The following SLC2A7 variants were observed in gnomAD, a reference collection of about 807,000 sequenced individuals.
The protein encoded by SLC2A7 is solute carrier family 2, facilitated glucose transporter member 7.
In SLC2A7, 50 loss-of-function variants were observed where a neutral mutation model predicts 50.5. That is an observed-to-expected ratio of 0.99 (90% CI 0.79 to 1.25). SLC2A7 has a LOEUF of 1.25. SLC2A7 is among the 50% of genes most tolerant of loss of function. SLC2A7 has a pLI of 0.00. For synonymous variants in SLC2A7, 308 were observed against 300.4 expected (o/e 1.03, Z -0.26); for missense variants, 683 against 679.1 (o/e 1.01, Z -0.06).
At chr1:9,013,763 AGGTGGTGGG>A in intron 7 of SLC2A7, 128 bp from the exon 8 acceptor site, 1 of 718,826 alleles carries the variant, frequency 1.4e-6, no homozygotes, top group Non-Finnish European at 2.2e-6. Flanking sequence ...AGAGGGTAGC[AGGTGGTGGG>A]AAAAAGAGGC....
intron 9 of SLC2A7, 147 bp downstream of exon 9, chr1:9,009,996 G>A (rs1378557500): frequency 1.5e-6 from 1 of 663,974 alleles, no homozygotes; most frequent in African/African-American, 1.8e-5. Flanking sequence ...CTTCAGGATG[G>A]GGCATTGCAA....
At chr1:9,018,193 C>T in intron 5 of SLC2A7, 30 bp downstream of exon 5, 1 of 1,613,484 alleles carries the variant, frequency 6.2e-7, no homozygotes, top group African/African-American at 1.3e-5. Context: ...AGAGACTGGA[C>T]CTAGCGTGAC....
the SLC2A7 span, among the ~76,000 whole-genome samples, chr1:8,993,673 G>T: frequency 2.0e-5 from 3 of 152,176 alleles, no homozygotes; most frequent in Admixed American, 2.0e-4. Flanking sequence ...TGTCGCTCAG[G>T]CTGGAATGCA....
At chr1:9,016,899 G>A (rs1640838711) in intron 5 of SLC2A7, among the ~76,000 whole-genome samples, 1 of 152,020 alleles carries the variant, frequency 6.6e-6, no homozygotes, top group African/African-American at 2.4e-5. Context: ...GAAGGCCTCA[G>A]CAGCGCCCTC....
chr1:9,015,588 C>T (rs1640818196), intron 5 of SLC2A7, among the ~76,000 whole-genome samples: 1 of 152,114 alleles, frequency 6.6e-6, no homozygotes, highest in Non-Finnish European at 1.5e-5. Flanking sequence ...TAGGGCAGGG[C>T]CTGGACCCTG....
rs765956041 is a variant in SLC2A7, at chr1:9,025,073, C to T, written c.53G>A (p.Arg18Gln). The change falls in exon 2 of 12, where the codon CGG becomes CAG. Residue 18 changes from arginine (R) to glutamine (Q), a missense_variant and splice_region_variant. Coordinates refer to ENST00000400906, the MANE Select transcript of SLC2A7 (RefSeq NM_207420.3). ...TPPPIPSREG[R>Q]LQPTLLLATL... Reference sequence around the variant, plus strand: ...CGCCAGCAACAGCGTCGGCTGGAGCCGCTGTAGGAGACAAGTCCAAGGTCG... The same window carrying T: ...CGCCAGCAACAGCGTCGGCTGGAGCTGCTGTAGGAGACAAGTCCAAGGTCG... 73 of 1,613,522 alleles carry T rather than the reference C, an allele frequency of 4.5e-5. No individual in the cohort carries two copies. The highest frequency in any genetic ancestry group is 1.0e-4 in the Admixed American group (6 of 60,002).
intron 5 of SLC2A7, among the ~76,000 whole-genome samples, chr1:9,015,795 C>G (rs561165177): frequency 2.6e-4 from 40 of 151,382 alleles, no homozygotes; most frequent in Non-Finnish European, 4.3e-4. Flanking sequence ...GCGATCATAG[C>G]CCACTGCAAC....
chr1:9,004,662 C>G, intron 11 of SLC2A7, 90 bp downstream of exon 11: 12 of 1,508,936 alleles, frequency 8.0e-6, no homozygotes, highest in Non-Finnish European at 1.1e-5. Flanking sequence ...CCCCACCTTG[C>G]TGGATTCACA....
At chr1:9,006,648 T>C (rs1640657212) in intron 10 of SLC2A7, among the ~76,000 whole-genome samples, 1 of 152,358 alleles carries the variant, frequency 6.6e-6, no homozygotes, top group East Asian at 1.9e-4. Context: ...CCAATGGATG[T>C]TGAATGAATT....
chr1:9,001,250 G>C (rs1053566949), downstream of SLC2A7, among the ~76,000 whole-genome samples: 1 of 151,996 alleles, frequency 6.6e-6, no homozygotes, highest in African/African-American at 2.4e-5. Context: ...TTGGAGGGAA[G>C]GCACATGAAA....
Position 9,010,191 on chromosome 1 carries a change from G to A in SLC2A7, c.1068C>T (p.Gly356=), listed in dbSNP as rs1417524889. ...GCACCAGGCAGGCAGAGCCGCAGAT[G>A]CCGTAGCCGGCCAGCAGGAGGTGCC... The part of the protein sequence containing the change: ...GRRHLLLAGY[G]ICGSACLVLT... The change falls in exon 9 of 12, where the codon GGC becomes GGT. Residue 356 remains glycine (G), a synonymous_variant. Coordinates refer to ENST00000400906, the MANE Select transcript of SLC2A7 (RefSeq NM_207420.3). The A allele has an allele frequency of 6.4e-7, 1 of 1,550,874 alleles. No individual in the cohort carries two copies.
chr1:9,015,975 C>G (rs914794577), intron 5 of SLC2A7, among the ~76,000 whole-genome samples: 1 of 151,996 alleles, frequency 6.6e-6, no homozygotes, highest in Non-Finnish European at 1.5e-5. Context: ...AAATGATCCT[C>G]CTGCCTTGGC....
intron 3 of SLC2A7, among the ~76,000 whole-genome samples, chr1:9,020,975 C>T (rs1640905174): frequency 6.6e-6 from 1 of 152,186 alleles, no homozygotes; most frequent in South Asian, 2.1e-4. Flanking sequence ...TGCCTTCCGC[C>T]ATGATTGTGA....
chr1:9,019,165 A>G lies in SLC2A7; in HGVS notation c.436+44T>C, dbSNP rs879544019. On this transcript the variant is annotated intron_variant, in intron 4 of 11. Transcript: ENST00000400906. ...CTCCTGCTTCCAGCCTTGGCCAAAC[A>G]GACCCTTCCCCCAAGGCTGAGCCGG... The G allele has an allele frequency of 2.8e-5, 45 of 1,595,958 alleles. No individual in the cohort carries two copies. The Admixed American group carries it at 4.5e-4, about 16-fold the overall frequency.
intron 8 of SLC2A7, among the ~76,000 whole-genome samples, chr1:9,011,503 A>T (rs1467825359): frequency 1.3e-5 from 2 of 152,118 alleles, no homozygotes; most frequent in African/African-American, 4.8e-5. Context: ...TTAAAAAATA[A>T]ATAAATAAAA....
Position 9,026,402 on chromosome 1 carries a change from G to T in SLC2A7, c.-57C>A. On this transcript the variant is annotated 5_prime_UTR_variant, in exon 1 of 12. Transcript: ENST00000400906. The stretch of plus-strand genomic sequence containing the variant: ...ACCTCCCAAGTGACACCTGCTCTGC[G>T]CCAGCCACCTAAAGACCGGCTGTTT... 1.3e-6 allele frequency: 2 copies of T among 1,511,830 alleles called. No homozygotes were observed. The highest frequency in any genetic ancestry group is 1.8e-6 in the Non-Finnish European group (2 of 1,116,064). The allele number at this position is 1,511,830 out of a possible 1,614,324, so 93.7% of individuals were successfully genotyped here.
chr1:9,001,858 C>T (rs1384873683), downstream of SLC2A7, among the ~76,000 whole-genome samples: 1 of 152,112 alleles, frequency 6.6e-6, no homozygotes, highest in Non-Finnish European at 1.5e-5. Flanking sequence ...GCTACTGTGT[C>T]TATGTAGAAA....
Position 9,023,773 on chromosome 1 carries a change from A to G in SLC2A7, c.151-695T>C, listed in dbSNP as rs1379977012. Among the ~76,000 whole-genome samples the G allele has an allele frequency of 1.0e-3, 152 of 151,422 alleles. 1 individual carries two copies. Among genetic ancestry groups the G allele is most frequent in the African/African-American group, 3.4e-3 (141 of 41,400 alleles). On this transcript the variant is annotated intron_variant, in intron 2 of 11. Coordinates refer to ENST00000400906, the MANE Select transcript of SLC2A7 (RefSeq NM_207420.3). ...AAAGAAGAGAAAAGAAAAGAAAAAAAAAATTTTACTTTTGAGAGACTTACG... is the reference window on the plus strand; with the variant it reads ...AAAGAAGAGAAAAGAAAAGAAAAAAGAAATTTTACTTTTGAGAGACTTACG...
intron 1 of SLC2A7, 93 bp downstream of exon 1, chr1:9,026,202 T>G (rs1182112531): frequency 1.1e-5 from 15 of 1,391,034 alleles, no homozygotes. Context: ...ACCCGCTCCT[T>G]GCTAAAAGCA....
Sources: gnomAD v4.1 joint callset for allele counts (sites outside exome capture counted in the v4.1 genomes callset) on GRCh38, gnomAD v4.1.1 for gene constraint, MANE v1.5 for transcripts, NCBI Gene and HGNC (gene_info 2026-07-23, HGNC 2026-07-21) for gene names.